MEMO1: variants seen among roughly 807,000 people sequenced by gnomAD.
MEMO1 encodes the protein mediator of cell motility 1, also known as protein MEMO1.
A neutral mutation model predicts 45.2 loss-of-function variants in MEMO1; 6 were observed. That is an observed-to-expected ratio of 0.13 (90% confidence interval 0.07 to 0.26). The LOEUF is 0.26. Among genes scored for constraint, MEMO1 ranks in the 10% least tolerant of loss-of-function variants. The pLI is 1.00. For missense variants in MEMO1, 184 were observed against 370.5 expected, an observed-to-expected ratio of 0.50 and a Z score of 4.13; for synonymous variants, 78 against 124.3, an observed-to-expected ratio of 0.63 and a Z score of 2.48.
intron 2 of MEMO1, among the ~76,000 whole-genome samples, chr2:31,949,853 T>C (rs1476880523): frequency 3.3e-5 from 5 of 152,108 alleles, no homozygotes; most frequent in Admixed American, 1.3e-4. Flanking sequence ...TTATTTCATA[T>C]TGCATGCCTG....
intron 8 of MEMO1, among the ~76,000 whole-genome samples, chr2:31,871,506 C>A (rs1032633412): frequency 2.3e-5 from 3 of 133,328 alleles, no homozygotes; most frequent in Non-Finnish European, 4.9e-5. Context: ...TATACACACA[C>A]ACACACACAC....
At chr2:31,888,292 T>C (rs1676472896) in intron 7 of MEMO1, among the ~76,000 whole-genome samples, 1 of 152,108 alleles carries the variant, frequency 6.6e-6, no homozygotes, top group Non-Finnish European at 1.5e-5. Flanking sequence ...CAAACTACCA[T>C]ACCCGGTTCA....
chr2:31,882,403 A>G (rs949488911), intron 8 of MEMO1, among the ~76,000 whole-genome samples: 1 of 152,184 alleles, frequency 6.6e-6, no homozygotes, highest in South Asian at 2.1e-4. Flanking sequence ...AATTAGATAT[A>G]TAACAATCTG....
chr2:31,966,732 C>CAAAAAAAAAAAAAAAAAAAAA (rs758359349), intron 2 of MEMO1, among the ~76,000 whole-genome samples: 5 of 117,844 alleles, frequency 4.2e-5, no homozygotes, highest in Admixed American at 2.0e-4. Flanking sequence ...GACTCTGTCT[C>CAAAAAAAAAAAAAAAAAAAAA]AAAAAAAAAA....
At chr2:31,948,835 C>A (rs916792743) in intron 2 of MEMO1, among the ~76,000 whole-genome samples, 2 of 152,134 alleles carry the variant, frequency 1.3e-5, no homozygotes, top group Admixed American at 6.6e-5. Flanking sequence ...ATCCTTTAAA[C>A]TGAATAAATT....
chr2:31,873,627 G>A (rs944296005), intron 8 of MEMO1, among the ~76,000 whole-genome samples: 4 of 152,046 alleles, frequency 2.6e-5, no homozygotes, highest in Non-Finnish European at 2.9e-5. Flanking sequence ...AAATGCAAAG[G>A]AGTAGCAAAA....
intron 6 of MEMO1, among the ~76,000 whole-genome samples, chr2:31,909,571 T>TA (rs1360513300): frequency 6.6e-5 from 10 of 152,256 alleles, no homozygotes; most frequent in Non-Finnish European, 1.5e-4. Flanking sequence ...GTAAGAGCTA[T>TA]ACCAGGAAAA....
intron 6 of MEMO1, among the ~76,000 whole-genome samples, chr2:31,916,005 A>G (rs1681380433): frequency 6.6e-6 from 1 of 152,182 alleles, no homozygotes; most frequent in Non-Finnish European, 1.5e-5. Flanking sequence ...AGTACTATCT[A>G]AGGGTCAATA....
chr2:31,943,603 G>A (rs114664195), intron 2 of MEMO1, among the ~76,000 whole-genome samples: 296 of 152,222 alleles, frequency 1.9e-3, no homozygotes, highest in African/African-American at 6.7e-3. Context: ...TGCTTTTATC[G>A]ATTTACTTAT....
At chr2:31,969,619 GTGTGTGTGTGTGTGTT>G (rs1370107750) in intron 2 of MEMO1, among the ~76,000 whole-genome samples, 11 of 149,064 alleles carry the variant, frequency 7.4e-5, no homozygotes, top group African/African-American at 2.5e-4. Flanking sequence ...GTGTGTGTGT[GTGTGTGTGTGTGTGTT>G]TAAGACAGGC....
At chr2:32,005,183 A>G (rs1673905338) in intron 2 of MEMO1, among the ~76,000 whole-genome samples, 1 of 151,992 alleles carries the variant, frequency 6.6e-6, no homozygotes, top group Non-Finnish European at 1.5e-5. Context: ...AGCCAGGTGC[A>G]GTGGCTCACA....
chr2:31,889,701 C>T (rs947078057), intron 7 of MEMO1, among the ~76,000 whole-genome samples: 1 of 151,958 alleles, frequency 6.6e-6, no homozygotes, highest in Non-Finnish European at 1.5e-5. Context: ...CTATGTTACA[C>T]CTTTCACTTA....
intron 7 of MEMO1, among the ~76,000 whole-genome samples, chr2:31,889,418 T>A (rs963746704): frequency 5.9e-5 from 9 of 152,046 alleles, no homozygotes; most frequent in African/African-American, 2.2e-4. Context: ...GTATAGTATC[T>A]CTTTAAAAAG....
At chr2:31,964,884 C>A (rs1213766392) in intron 2 of MEMO1, among the ~76,000 whole-genome samples, 1 of 151,730 alleles carries the variant, frequency 6.6e-6, no homozygotes, top group Non-Finnish European at 1.5e-5. Flanking sequence ...GTTCAAGTTT[C>A]TTTTAGAGCT....
At chr2:31,955,779 T>C (rs1667347831) in intron 2 of MEMO1, among the ~76,000 whole-genome samples, 1 of 152,080 alleles carries the variant, frequency 6.6e-6, no homozygotes, top group African/African-American at 2.4e-5. Flanking sequence ...CAACTAATTT[T>C]GTATTTTCAG....
chr2:31,905,002 G>A (rs1679455592), intron 6 of MEMO1, among the ~76,000 whole-genome samples: 2 of 152,208 alleles, frequency 1.3e-5, no homozygotes, highest in South Asian at 4.1e-4. Context: ...GGGAGGCCAA[G>A]GTGGGCAGAT....
At chr2:31,919,164 T>C (rs931866588) in intron 5 of MEMO1, among the ~76,000 whole-genome samples, 3 of 151,794 alleles carry the variant, frequency 2.0e-5, no homozygotes, top group African/African-American at 7.2e-5. Context: ...CTTCACCCTG[T>C]CACCCAGGCC....
intron 2 of MEMO1, among the ~76,000 whole-genome samples, chr2:31,997,248 T>A (rs567180703): frequency 3.2e-4 from 49 of 152,230 alleles, no homozygotes; most frequent in African/African-American, 1.1e-3. Context: ...TATTCAAAGG[T>A]ACATGATAAC....
At chr2:31,969,429 ATGT>A (rs1669043764) in intron 2 of MEMO1, among the ~76,000 whole-genome samples, 1 of 135,698 alleles carries the variant, frequency 7.4e-6, no homozygotes, top group Non-Finnish European at 1.6e-5. Flanking sequence ...ATATACATAT[ATGT>A]GTGTGTATAC....
Sources: gnomAD v4.1 joint callset for allele counts (sites outside exome capture counted in the v4.1 genomes callset) on GRCh38, gnomAD v4.1.1 for gene constraint, MANE v1.5 for transcripts, NCBI Gene and HGNC (gene_info 2026-07-23, HGNC 2026-07-21) for gene names.